The following ZFHX3 variants were observed in gnomAD, a reference collection of about 807,000 sequenced individuals.
ZFHX3 encodes the protein zinc finger homeobox protein 3.
In ZFHX3, 42 loss-of-function variants were observed where a neutral mutation model predicts 279.1. That is an observed-to-expected ratio of 0.15 (90% CI 0.12 to 0.19). The LOEUF (loss-of-function observed/expected upper bound fraction) is 0.19, where lower values mean the gene tolerates loss of function less well. Among genes scored for constraint, ZFHX3 ranks in the 10% least tolerant of loss-of-function variants. The pLI, the probability that ZFHX3 is intolerant of heterozygous loss-of-function variation, is 1.00. For synonymous variants in ZFHX3, 2,293 were observed against 1,957.8 expected, an observed-to-expected ratio of 1.17 and a Z score of -4.52; for missense variants, 4,981 against 4,754.0, an observed-to-expected ratio of 1.05 and a Z score of -1.40.
At position 73,484,010 on chromosome 16, in the gene ZFHX3, C is replaced by T. The variant is rs150476206; in HGVS notation, c.-1546-27752G>A. The stretch of plus-strand genomic sequence containing the variant: ...TAGTAATAAGAAAACAGTCTGAAAT[C>T]CCCCACTAGACAGTGCACGGACTTG... On this transcript the variant is annotated intron_variant, in intron 2 of 17. Coordinates refer to the ZFHX3 transcript ENST00000641206. 1.3e-5 allele frequency among the ~76,000 whole-genome samples: 2 copies of T among 150,614 alleles called. 1 individual carries two copies. The highest frequency in any genetic ancestry group is 1.3e-4 in the Admixed American group (2 of 15,038).
chr16:73,876,316 C>T (rs1396974314), intron 1 of ZFHX3, among the ~76,000 whole-genome samples: 1 of 152,284 alleles, frequency 6.6e-6, no homozygotes, highest in Non-Finnish European at 1.5e-5. Flanking sequence ...TGGAAAAACA[C>T]GTAAGTTTTA....
chr16:73,654,854 C>CTTTTTT (rs1382941693), intron 2 of ZFHX3, among the ~76,000 whole-genome samples: 4 of 64,126 alleles, frequency 6.2e-5, no homozygotes, highest in East Asian at 5.1e-4. Context: ...ATAGTAATCA[C>CTTTTTT]TTTTTTTTTT....
intron 9 of ZFHX3, chr16:72,789,180 A>G (rs1044067032): frequency 9.0e-6 from 2 of 221,204 alleles, no homozygotes; most frequent in Non-Finnish European, 1.7e-5. Context: ...CTTTCAGCCA[A>G]ACAACTTCCA....
intron 3 of ZFHX3, among the ~76,000 whole-genome samples, chr16:72,903,772 TG>T (rs1410198077): frequency 2.6e-5 from 4 of 152,190 alleles, no homozygotes; most frequent in African/African-American, 7.2e-5. Flanking sequence ...CGAGAATAAC[TG>T]GGTCTTTTGA....
chr16:72,993,647 C>G (rs1963174279), intron 1 of ZFHX3, among the ~76,000 whole-genome samples: 1 of 152,170 alleles, frequency 6.6e-6, no homozygotes, highest in African/African-American at 2.4e-5. Flanking sequence ...ATTTTTCAAG[C>G]CCACCACTCC....
intron 1 of ZFHX3, among the ~76,000 whole-genome samples, chr16:73,733,184 A>C (rs2142251343): frequency 6.6e-6 from 1 of 152,326 alleles, no homozygotes; most frequent in South Asian, 2.1e-4. Flanking sequence ...GTTGGCATTT[A>C]CTATCCACCA....
intron 2 of ZFHX3, among the ~76,000 whole-genome samples, chr16:72,951,978 T>C (rs1290428836): frequency 6.6e-6 from 1 of 152,228 alleles, no homozygotes; most frequent in Non-Finnish European, 1.5e-5. Context: ...GGGCTGGACG[T>C]GGTGTCTCAC....
intron 1 of ZFHX3, among the ~76,000 whole-genome samples, chr16:72,977,181 C>T (rs922498440): frequency 6.6e-6 from 1 of 152,208 alleles, no homozygotes; most frequent in Non-Finnish European, 1.5e-5. Flanking sequence ...TCCTCACCTG[C>T]CCTTTGCATT....
chr16:73,129,415 G>T (rs1478346290), intron 7 of ZFHX3, among the ~76,000 whole-genome samples: 1 of 84,866 alleles, frequency 1.2e-5, no homozygotes, highest in Non-Finnish European at 2.4e-5. Context: ...CACACACACA[G>T]AATTGAAGTG....
upstream of ZFHX3, among the ~76,000 whole-genome samples, chr16:73,063,187 G>A (rs1965707753): frequency 6.6e-6 from 1 of 152,210 alleles, no homozygotes; most frequent in African/African-American, 2.4e-5. Flanking sequence ...TGCGCGCGCG[G>A]GGAGGAAAGG....
chr16:73,433,037 C>T (rs1294388428), intron 3 of ZFHX3, among the ~76,000 whole-genome samples: 2 of 152,180 alleles, frequency 1.3e-5, no homozygotes, highest in African/African-American at 2.4e-5. Context: ...GCTGGGGCCT[C>T]GCCACTGTCC....
intron 3 of ZFHX3, among the ~76,000 whole-genome samples, chr16:72,908,270 G>A (rs1314315194): frequency 6.6e-6 from 1 of 152,236 alleles, no homozygotes; most frequent in African/African-American, 2.4e-5. Flanking sequence ...CAGCCGTGGA[G>A]AAGAGGGAGG....
chr16:73,204,693 C>G (rs773620911), intron 5 of ZFHX3, among the ~76,000 whole-genome samples: 3 of 152,180 alleles, frequency 2.0e-5, no homozygotes, highest in African/African-American at 7.2e-5. Flanking sequence ...CCCCTTGTAT[C>G]AGGAACCTTC....
chr16:72,854,938 T>TGGGGGGG (rs373623618), intron 4 of ZFHX3, among the ~76,000 whole-genome samples: 15 of 73,884 alleles, frequency 2.0e-4, no homozygotes, highest in South Asian at 6.4e-4. Context: ...AATTGGTGGG[T>TGGGGGGG]GGGGGGGGGG....
intron 2 of ZFHX3, among the ~76,000 whole-genome samples, chr16:73,555,255 A>C (rs2020259590): frequency 6.6e-6 from 1 of 152,000 alleles, no homozygotes; most frequent in Non-Finnish European, 1.5e-5. Context: ...CCCGGGTTCA[A>C]GCGATTCTCC....
At chr16:73,850,627 T>C (rs559973587) in intron 1 of ZFHX3, among the ~76,000 whole-genome samples, 71 of 152,286 alleles carry the variant, frequency 4.7e-4, no homozygotes, top group African/African-American at 1.6e-3. Context: ...GGGGCATAAA[T>C]TGCCTGTCCT....
intron 1 of ZFHX3, among the ~76,000 whole-genome samples, chr16:73,690,559 C>A (rs1177658872): frequency 1.3e-5 from 2 of 152,218 alleles, no homozygotes; most frequent in East Asian, 3.8e-4. Context: ...CATGCACTCC[C>A]TTTGCAATGT....
intron 1 of ZFHX3, among the ~76,000 whole-genome samples, chr16:73,883,847 G>A (rs1354471656): frequency 6.6e-6 from 1 of 152,088 alleles, no homozygotes; most frequent in African/African-American, 2.4e-5. Flanking sequence ...GTCTCCATAA[G>A]TGAGTAGGAC....
chr16:73,891,469 A>G (rs541188323), intron 1 of ZFHX3, among the ~76,000 whole-genome samples: 2 of 152,200 alleles, frequency 1.3e-5, no homozygotes, highest in East Asian at 3.9e-4. Flanking sequence ...CCCGATCCAT[A>G]AAGAAAACAG....
Sources: gnomAD v4.1 joint callset for allele counts (sites outside exome capture counted in the v4.1 genomes callset) on GRCh38, gnomAD v4.1.1 for gene constraint, MANE v1.5 for transcripts, NCBI Gene and HGNC (gene_info 2026-07-23, HGNC 2026-07-21) for gene names.